PCDH15: variants seen among roughly 807,000 people sequenced by gnomAD.
PCDH15 encodes protocadherin-15.
PCDH15 carries 129 observed loss-of-function variants against 178.5 expected under a neutral mutation model. The observed-to-expected ratio is 0.72, with a 90% CI of 0.63 to 0.84. The LOEUF is 0.84. Ranked by LOEUF, PCDH15 falls within the 40% of genes least tolerant of loss-of-function variation. The pLI is 0.00. For missense variants in PCDH15, 2,230 were observed against 2,099.9 expected (o/e 1.06, Z -1.21); for synonymous variants, 800 against 732.0 (o/e 1.09, Z -1.50).
chr10:55,354,652 T>C (rs566625803), intron 2 of PCDH15, among the ~76,000 whole-genome samples: 2 of 152,232 alleles, frequency 1.3e-5, no homozygotes, highest in East Asian at 3.9e-4. Flanking sequence ...CATTCATCAG[T>C]GAAATTCAGA....
At chr10:54,568,679 GCC>G (rs1398297888) in intron 2 of PCDH15, 1 of 152,030 alleles carries the variant, frequency 6.6e-6, no homozygotes, top group Non-Finnish European at 1.5e-5. Context: ...AATACAGGTA[GCC>G]TGATTTATTT....
intron 4 of PCDH15, among the ~76,000 whole-genome samples, chr10:54,376,378 TG>T (rs1197512144): frequency 1.3e-5 from 2 of 150,720 alleles, no homozygotes; most frequent in East Asian, 1.9e-4. Context: ...ATTTAGCTTT[TG>T]GGAAAAAACA....
chr10:55,077,188 C>G (rs1841916377), intron 2 of PCDH15, among the ~76,000 whole-genome samples: 1 of 150,816 alleles, frequency 6.6e-6, no homozygotes. Flanking sequence ...TATACTGTTT[C>G]TTGTAGGCAG....
chr10:54,460,620 G>A (rs935868822), intron 3 of PCDH15, among the ~76,000 whole-genome samples: 2 of 151,854 alleles, frequency 1.3e-5, no homozygotes, highest in Non-Finnish European at 2.9e-5. Context: ...ACATGTATTT[G>A]GTATAATACA....
chr10:55,030,278 C>A (rs1840578000), intron 2 of PCDH15, among the ~76,000 whole-genome samples: 1 of 152,152 alleles, frequency 6.6e-6, no homozygotes, highest in Admixed American at 6.5e-5. Flanking sequence ...TGTGTGGGAT[C>A]TTAACACATG....
chr10:54,253,128 G>T (rs995945591), intron 8 of PCDH15, among the ~76,000 whole-genome samples: 5 of 151,842 alleles, frequency 3.3e-5, no homozygotes, highest in Admixed American at 3.3e-4. Context: ...TTGAGGATTG[G>T]GTTTACTAGA....
At chr10:55,019,513 T>A (rs1193890167) in intron 2 of PCDH15, among the ~76,000 whole-genome samples, 1 of 152,024 alleles carries the variant, frequency 6.6e-6, no homozygotes, top group East Asian at 1.9e-4. Flanking sequence ...CAACTCAGGG[T>A]CTAGACCTGT....
intron 2 of PCDH15, among the ~76,000 whole-genome samples, chr10:54,918,612 C>T (rs1837406438): frequency 6.6e-6 from 1 of 152,090 alleles, no homozygotes; most frequent in South Asian, 2.1e-4. Flanking sequence ...ATGGTAATTG[C>T]ACTAACACCA....
intron 1 of PCDH15, among the ~76,000 whole-genome samples, chr10:55,294,267 T>A (rs548915480): frequency 1.3e-5 from 2 of 152,298 alleles, no homozygotes; most frequent in East Asian, 3.9e-4. Flanking sequence ...CCACAACACG[T>A]GGGAATTCAC....
chr10:54,250,064 C>T (rs983501773), intron 8 of PCDH15, among the ~76,000 whole-genome samples: 1 of 149,702 alleles, frequency 6.7e-6, no homozygotes, highest in African/African-American at 2.5e-5. Context: ...CAGGTGCATG[C>T]CACCACATCC....
At chr10:54,672,606 C>T (rs1216734616) in intron 1 of PCDH15, among the ~76,000 whole-genome samples, 2 of 152,050 alleles carry the variant, frequency 1.3e-5, no homozygotes, top group Admixed American at 6.5e-5. Context: ...AGACAACAGC[C>T]CTCAGTCATA....
At chr10:54,290,549 T>C (rs2059334053) in intron 8 of PCDH15, among the ~76,000 whole-genome samples, 1 of 152,110 alleles carries the variant, frequency 6.6e-6, no homozygotes, top group Non-Finnish European at 1.5e-5. Context: ...ATAAAAATAT[T>C]AACCTAAAAT....
intron 2 of PCDH15, among the ~76,000 whole-genome samples, chr10:54,663,710 G>A (rs2094526918): frequency 6.6e-6 from 1 of 150,704 alleles, no homozygotes; most frequent in African/African-American, 2.4e-5. Flanking sequence ...AAAAATAGTG[G>A]GGGATAAAAT....
At chr10:54,577,710 A>T (rs2090631950) in intron 2 of PCDH15, among the ~76,000 whole-genome samples, 1 of 152,052 alleles carries the variant, frequency 6.6e-6, no homozygotes, top group Non-Finnish European at 1.5e-5. Context: ...AACAGGTTAG[A>T]TTCCTTACCC....
chr10:54,843,596 C>A (rs944257323), intron 3 of PCDH15, among the ~76,000 whole-genome samples: 1 of 151,956 alleles, frequency 6.6e-6, no homozygotes, highest in African/African-American at 2.4e-5. Flanking sequence ...AGCTTTTCTA[C>A]ACACACATCA....
intron 2 of PCDH15, among the ~76,000 whole-genome samples, chr10:55,583,536 G>C (rs555737042): frequency 6.6e-6 from 1 of 152,128 alleles, no homozygotes; most frequent in African/African-American, 2.4e-5. Context: ...CAGGTTCAAG[G>C]GAACTTCCTG....
At chr10:54,509,079 G>A (rs1440662564) in intron 3 of PCDH15, among the ~76,000 whole-genome samples, 2 of 152,032 alleles carry the variant, frequency 1.3e-5, no homozygotes, top group African/African-American at 4.8e-5. Flanking sequence ...TCAGATTTTA[G>A]AGAATTTCAG....
chr10:54,217,140 T>C (rs2052171335), intron 9 of PCDH15, among the ~76,000 whole-genome samples: 1 of 152,178 alleles, frequency 6.6e-6, no homozygotes, highest in African/African-American at 2.4e-5. Context: ...ACACTGAAAC[T>C]AAATTTCATT....
In PCDH15 at chr10:53,827,611, C is replaced by T. The variant is rs2076771139; in HGVS notation, c.4212-63G>A. On this transcript the variant is annotated intron_variant, in intron 31 of 37. Coordinates refer to ENST00000644397, the MANE Select transcript of PCDH15 (RefSeq NM_001384140.1). ...AGAAATCATAATGCTTATCAATAAG[C>T]CACCTTTTAATAATGGGGTCCAGTT... 1.9e-6 allele frequency: 3 copies of T among 1,593,888 alleles called. No individual in the cohort carries two copies. In the Admixed American group the frequency reaches 5.0e-5, roughly 27 times the overall value.
Sources: gnomAD v4.1 joint callset for allele counts (sites outside exome capture counted in the v4.1 genomes callset) on GRCh38, gnomAD v4.1.1 for gene constraint, MANE v1.5 for transcripts, NCBI Gene and HGNC (gene_info 2026-07-23, HGNC 2026-07-21) for gene names.